The following MVB12B variants were observed in gnomAD, a reference collection of about 807,000 sequenced individuals.
MVB12B encodes the protein multivesicular body subunit 12B.
Under a neutral mutation model 41.6 loss-of-function variants are expected in MVB12B, and 16 were observed. The observed-to-expected ratio is 0.38, with a 90% CI of 0.26 to 0.58. MVB12B has a LOEUF of 0.58. Among genes scored for constraint, MVB12B ranks in the 20% least tolerant of loss-of-function variants. The pLI is 0.62. For synonymous variants in MVB12B, 133 were observed against 139.7 expected (o/e 0.95, Z 0.34); for missense variants, 274 against 380.2 (o/e 0.72, Z 2.32).
At chr9:126,456,933 C>T (rs537112232) in intron 7 of MVB12B, among the ~76,000 whole-genome samples, 5 of 152,294 alleles carry the variant, frequency 3.3e-5, no homozygotes, top group South Asian at 2.1e-4. Flanking sequence ...GTATGGGCCC[C>T]GGCTTCGTCC....
rs376328919 is a variant in MVB12B, at chr9:126,381,155, C to G, written c.296C>G (p.Ser99Ter). 12 of 1,612,852 alleles carry G rather than the reference C, an allele frequency of 7.4e-6. No individual in the cohort carries two copies. The South Asian group carries it at 1.2e-4, about 16-fold the overall frequency. The change falls in exon 3 of 10, where the codon TCA becomes TGA. Residue 99 changes from serine to a stop codon, truncating the protein, a stop_gained. Transcript: ENST00000361171. LOFTEE classifies it high-confidence loss of function. Reference sequence around the variant, plus strand: ...ACCAGATACCTGTGTTTCACAAGATCATTTTCCAAAGAAAATGTAAGTCTA... The same window carrying G: ...ACCAGATACCTGTGTTTCACAAGATGATTTTCCAAAGAAAATGTAAGTCTA... ...KVTRYLCFTRSFSKENSHLGN... is the reference protein window; with the variant it reads ...KVTRYLCFTR
chr9:126,462,251 C>T (rs1280833088), intron 7 of MVB12B, among the ~76,000 whole-genome samples: 1 of 152,210 alleles, frequency 6.6e-6, no homozygotes, highest in Non-Finnish European at 1.5e-5. Context: ...CCACAGGGCA[C>T]TGGTACGAAG....
intron 7 of MVB12B, among the ~76,000 whole-genome samples, chr9:126,437,889 C>T (rs1413991967): frequency 6.6e-6 from 1 of 152,028 alleles, no homozygotes; most frequent in African/African-American, 2.4e-5. Context: ...TTTTTTATAG[C>T]CTTCTTATCA....
chr9:126,376,424 T>G lies in MVB12B; in HGVS notation c.205-4640T>G. 11 of 1,033,276 alleles carry G rather than the reference T, an allele frequency of 1.1e-5. No homozygotes were observed. The highest frequency in any genetic ancestry group is 1.5e-5 in the Non-Finnish European group (11 of 756,240). 64.0% of individuals were successfully genotyped at this position (1,033,276 alleles called of 1,614,324 possible). A position where few individuals can be genotyped will look rare whatever the true frequency, so the allele number is the denominator to read the frequency against. ...CCTGTCCCCAGTGCCTGGTGACCCT[T>G]TGTTGTGGGTTGGGATTTAAGATGG... On this transcript the variant is annotated intron_variant, in intron 2 of 9. Coordinates refer to ENST00000361171, the MANE Select transcript of MVB12B (RefSeq NM_033446.3). The surrounding 1 kb of genome is among the most constrained non-coding windows in gnomAD (Gnocchi z 4.1).
At chr9:126,402,933 C>A (rs16928968) in intron 6 of MVB12B, among the ~76,000 whole-genome samples, 1,545 of 152,312 alleles carry the variant, frequency 0.01, 32 homozygotes, top group African/African-American at 0.036. Flanking sequence ...GATCCCGCTG[C>A]GCAAGTGGCA....
At position 126,372,688 on chromosome 9, in the gene MVB12B, G is replaced by A. The variant is rs556413995; in HGVS notation, c.205-8376G>A. Among the ~76,000 whole-genome samples the A allele has an allele frequency of 5.9e-5, 9 of 152,180 alleles. No individual in the cohort carries two copies. In the South Asian group the frequency reaches 1.5e-3, roughly 25 times the overall value. On this transcript the variant is annotated intron_variant, in intron 2 of 9. Transcript: ENST00000361171. ...GGTATTATTTCTATTGTCATTTTTA[G>A]GTGAGGCTCAGAGAGTAAAAGAGTG...
At chr9:126,345,967 C>T (rs1166963866) in intron 2 of MVB12B, among the ~76,000 whole-genome samples, 1 of 152,208 alleles carries the variant, frequency 6.6e-6, no homozygotes, top group Admixed American at 6.5e-5. Flanking sequence ...GTCCAAGGCA[C>T]TGGAAATCCA....
intron 2 of MVB12B, among the ~76,000 whole-genome samples, chr9:126,365,770 A>T (rs1830163324): frequency 6.6e-6 from 1 of 152,208 alleles, no homozygotes; most frequent in Non-Finnish European, 1.5e-5. Flanking sequence ...AACTTTAGAG[A>T]TGGAGCAGAG....
chr9:126,497,812 CT>C (rs1301180510), intron 9 of MVB12B, among the ~76,000 whole-genome samples: 2 of 152,224 alleles, frequency 1.3e-5, no homozygotes, highest in African/African-American at 4.8e-5. Context: ...AGGACTTCAG[CT>C]GGCCCTGCAG....
rs1268586758 is a variant in MVB12B at position 126,481,364 on chromosome 9, T to G, written c.758-5T>G. On this transcript the variant is annotated splice_region_variant and splice_polypyrimidine_tract_variant and intron_variant, in intron 7 of 9. Coordinates refer to ENST00000361171, the MANE Select transcript of MVB12B (RefSeq NM_033446.3). ...AATGCCATCTTTTTTTTTCTTCTTT[T>G]GCAGCAATGGATGGTGTGCCTTTTA... The G allele has an allele frequency of 6.2e-7, 1 of 1,612,832 alleles. No homozygotes were observed. The highest frequency in any genetic ancestry group is 8.5e-7 in the Non-Finnish European group (1 of 1,179,170).
intron 7 of MVB12B, among the ~76,000 whole-genome samples, chr9:126,437,821 T>C (rs1440640638): frequency 1.3e-5 from 2 of 152,256 alleles, no homozygotes; most frequent in Non-Finnish European, 2.9e-5. Flanking sequence ...GTGTACTGAT[T>C]ATGCAAAATT....
chr9:126,459,872 G>A lies in MVB12B; in HGVS notation c.758-21497G>A, dbSNP rs940754214. 4.6e-5 allele frequency among the ~76,000 whole-genome samples: 7 copies of A among 152,180 alleles called. No individual in the cohort carries two copies. Among genetic ancestry groups the A allele is most frequent in the Non-Finnish European group, 1.0e-4 (7 of 68,038 alleles). On this transcript the variant is annotated intron_variant, in intron 7 of 9. Transcript: ENST00000361171. The surrounding 1 kb of genome is among the most constrained non-coding windows in gnomAD (Gnocchi z 4.3). Reference sequence around the variant, plus strand: ...CATCTCGAGGGAGAGAAAGGGCTCCGGGGCTCAGTAATGGTTTTCACAGGC... The same window carrying A: ...CATCTCGAGGGAGAGAAAGGGCTCCAGGGCTCAGTAATGGTTTTCACAGGC...
At chr9:126,458,523 ATTC>A (rs1372515695) in intron 7 of MVB12B, among the ~76,000 whole-genome samples, 2 of 151,884 alleles carry the variant, frequency 1.3e-5, no homozygotes, top group African/African-American at 4.8e-5. Flanking sequence ...TTCACGTGAT[ATTC>A]TTCTTCCCCT....
chr9:126,437,708 A>C (rs1832522847), intron 7 of MVB12B, among the ~76,000 whole-genome samples: 3 of 152,206 alleles, frequency 2.0e-5, no homozygotes, highest in Admixed American at 2.0e-4. Context: ...GAGTACGCTT[A>C]GTTTTTTCAA....
At chr9:126,380,722 G>A (rs1173618567) in intron 2 of MVB12B, among the ~76,000 whole-genome samples, 2 of 152,130 alleles carry the variant, frequency 1.3e-5, no homozygotes, top group South Asian at 2.1e-4. Flanking sequence ...TCTTCACCCC[G>A]CACCATCCCC....
intron 7 of MVB12B, among the ~76,000 whole-genome samples, chr9:126,457,084 C>T (rs780214401): frequency 2.4e-4 from 37 of 152,258 alleles, no homozygotes; most frequent in Admixed American, 4.6e-4. Flanking sequence ...ATTTCCACAT[C>T]GCATGTGTGG....
intron 6 of MVB12B, chr9:126,397,058 G>C: frequency 2.0e-6 from 2 of 985,484 alleles, no homozygotes; most frequent in Non-Finnish European, 2.4e-6. Context: ...CCTGTGTGTC[G>C]GGGTCCTCCA....
chr9:126,488,838 G>A (rs1037047229), intron 9 of MVB12B, among the ~76,000 whole-genome samples: 2 of 152,280 alleles, frequency 1.3e-5, no homozygotes, highest in East Asian at 3.9e-4. Context: ...TTTCTGAATC[G>A]AAGCCGAAGC....
intron 6 of MVB12B, among the ~76,000 whole-genome samples, chr9:126,401,929 G>T (rs1300721617): frequency 6.6e-6 from 1 of 152,214 alleles, no homozygotes; most frequent in African/African-American, 2.4e-5. Context: ...TTGTAAGATG[G>T]CCCTTGTACC....
Sources: gnomAD v4.1 joint callset for allele counts (sites outside exome capture counted in the v4.1 genomes callset) on GRCh38, gnomAD v4.1.1 for gene constraint, Gnocchi (gnomAD v3.1) non-coding constraint, MANE v1.5 for transcripts, NCBI Gene and HGNC (gene_info 2026-07-23, HGNC 2026-07-21) for gene names.